The following GMDS variants were observed in gnomAD, a reference collection of about 807,000 sequenced individuals.
The protein encoded by GMDS is GDP-mannose 4,6 dehydratase.
A neutral mutation model predicts 49.9 loss-of-function variants in GMDS; 20 were observed. The ratio of observed to expected loss-of-function variants is 0.40; its 90% CI spans 0.28 to 0.58. GMDS has a LOEUF of 0.58. GMDS is among the 20% of genes least tolerant of loss of function. The pLI is 0.42. For synonymous variants in GMDS, 177 were observed against 178.6 expected, an observed-to-expected ratio of 0.99 and a Z score of 0.07; for missense variants, 362 against 481.4, an observed-to-expected ratio of 0.75 and a Z score of 2.32.
chr6:1,691,049 T>C (rs996534514), intron 9 of GMDS, among the ~76,000 whole-genome samples: 1 of 152,150 alleles, frequency 6.6e-6, no homozygotes, highest in Non-Finnish European at 1.5e-5. Context: ...ATTATAAAAA[T>C]ATATGCACAC....
chr6:2,157,073 G>A (rs1020870848), intron 1 of GMDS, among the ~76,000 whole-genome samples: 5 of 152,088 alleles, frequency 3.3e-5, no homozygotes, highest in African/African-American at 2.4e-5. Context: ...TGCAGTGACT[G>A]ACAGACTCAC....
chr6:2,167,376 C>A (rs1016705857), intron 1 of GMDS, among the ~76,000 whole-genome samples: 1 of 152,136 alleles, frequency 6.6e-6, no homozygotes, highest in Non-Finnish European at 1.5e-5. Context: ...CCTCATCATC[C>A]CTAATCTCAA....
At position 2,191,337 on chromosome 6, in the gene GMDS, G is replaced by A. The variant is rs911183658; in HGVS notation, c.102+53984C>T. Reference sequence around the variant, plus strand: ...CGGGGGAGCTCACAGTGATGTCCCTGGACACCAGCCCAGGCCCAGCAAGGA... The same window carrying A: ...CGGGGGAGCTCACAGTGATGTCCCTAGACACCAGCCCAGGCCCAGCAAGGA... On this transcript the variant is annotated intron_variant, in intron 1 of 10. Transcript: ENST00000380815. This position sits in a 1 kb window ranked among gnomAD's most constrained non-coding sequence, Gnocchi z 4.6. Among the ~76,000 whole-genome samples the A allele has an allele frequency of 6.6e-6, 1 of 152,134 alleles. No homozygotes were observed. Among genetic ancestry groups the A allele is most frequent in the Non-Finnish European group, 1.5e-5 (1 of 67,990 alleles).
At chr6:2,065,303 T>C (rs1042444082) in intron 4 of GMDS, among the ~76,000 whole-genome samples, 2 of 152,022 alleles carry the variant, frequency 1.3e-5, no homozygotes, top group African/African-American at 2.4e-5. Context: ...CAAAAGTAGA[T>C]AAAACCACAA....
intron 4 of GMDS, among the ~76,000 whole-genome samples, chr6:2,068,131 A>G (rs1411785344): frequency 6.6e-6 from 1 of 150,898 alleles, no homozygotes; most frequent in Non-Finnish European, 1.5e-5. Flanking sequence ...CAATAAATGT[A>G]ATCCAGCATA....
chr6:1,886,831 C>A (rs1404608386), intron 7 of GMDS, among the ~76,000 whole-genome samples: 1 of 152,158 alleles, frequency 6.6e-6, no homozygotes, highest in African/African-American at 2.4e-5. Flanking sequence ...ATTAGTAGAA[C>A]TCATTCTTAT....
chr6:1,699,591 C>G lies in GMDS; in HGVS notation c.987+26825G>C, dbSNP rs1037354335. Among the ~76,000 whole-genome samples the G allele has an allele frequency of 3.3e-5, 5 of 152,164 alleles. No homozygotes were observed. The East Asian group carries it at 9.6e-4, about 29-fold the overall frequency. Reference sequence around the variant, plus strand: ...GGCGCCTACACCCCTTGGCTCGCAGCCCCTTCCTTGAATCACCCTGACCCC... The same window carrying G: ...GGCGCCTACACCCCTTGGCTCGCAGGCCCTTCCTTGAATCACCCTGACCCC... On this transcript the variant is annotated intron_variant, in intron 9 of 10. Transcript: ENST00000380815.
chr6:2,028,093 A>G (rs1768714609), intron 4 of GMDS, among the ~76,000 whole-genome samples: 1 of 152,230 alleles, frequency 6.6e-6, no homozygotes, highest in Non-Finnish European at 1.5e-5. Flanking sequence ...TATCTTACAT[A>G]TTTCAATGAA....
chr6:2,153,193 C>A (rs1333492849), intron 1 of GMDS, among the ~76,000 whole-genome samples: 1 of 152,102 alleles, frequency 6.6e-6, no homozygotes, highest in African/African-American at 2.4e-5. Flanking sequence ...TGCCAAAAGA[C>A]CTTTCAGATA....
At chr6:1,692,506 C>T (rs1419172404) in intron 9 of GMDS, among the ~76,000 whole-genome samples, 2 of 152,152 alleles carry the variant, frequency 1.3e-5, no homozygotes, top group African/African-American at 2.4e-5. Context: ...TTCTGTCCTC[C>T]CCTCCTTTTT....
At chr6:2,063,644 A>C (rs1581594488) in intron 4 of GMDS, among the ~76,000 whole-genome samples, 1 of 152,230 alleles carries the variant, frequency 6.6e-6, no homozygotes, top group East Asian at 1.9e-4. Context: ...CATGTTCCAA[A>C]CTCAATAAAA....
intron 7 of GMDS, among the ~76,000 whole-genome samples, chr6:1,821,056 A>G (rs1481119861): frequency 1.3e-5 from 2 of 152,220 alleles, no homozygotes; most frequent in African/African-American, 4.8e-5. Context: ...TGTGTCTTGT[A>G]TACATGGACT....
intron 7 of GMDS, among the ~76,000 whole-genome samples, chr6:1,810,428 G>A (rs750324086): frequency 4.6e-5 from 7 of 152,128 alleles, no homozygotes; most frequent in Non-Finnish European, 1.0e-4. Flanking sequence ...GACTACAGGT[G>A]TGTGCCACCA....
chr6:2,198,925 A>G lies in GMDS; in HGVS notation c.102+46396T>C, dbSNP rs111269264. ...AGAAAACAGACCATTCATAAAGTCA[A>G]TAATTCAGGCTTGGTAATGGCTTAC... On this transcript the variant is annotated intron_variant, in intron 1 of 10. Coordinates refer to ENST00000380815, the MANE Select transcript of GMDS (RefSeq NM_001500.4). 5.9e-3 allele frequency among the ~76,000 whole-genome samples: 612 copies of G among 103,134 alleles called. 1 individual carries two copies. Among genetic ancestry groups the G allele is most frequent in the Non-Finnish European group, 0.01 (443 of 43,330 alleles). 67.7% of individuals were successfully genotyped at this position (103,134 alleles called of 152,430 possible).
intron 3 of GMDS, 62 bp from the exon 4 acceptor site, chr6:2,115,942 A>G (rs1373258898): frequency 1.0e-6 from 1 of 958,240 alleles, no homozygotes; most frequent in Non-Finnish European, 1.7e-6. Flanking sequence ...ATTTTTAAAA[A>G]CATCAAAATT....
At chr6:2,160,630 C>T (rs781245544) in intron 1 of GMDS, among the ~76,000 whole-genome samples, 5 of 152,170 alleles carry the variant, frequency 3.3e-5, no homozygotes, top group Non-Finnish European at 7.3e-5. Context: ...CAGCCTCAAC[C>T]ACCAGGTAGT....
At chr6:1,900,933 C>T (rs549767876) in intron 7 of GMDS, among the ~76,000 whole-genome samples, 19 of 152,302 alleles carry the variant, frequency 1.2e-4, no homozygotes, top group South Asian at 2.1e-4. Context: ...CAACATGTCG[C>T]GCTAACTCAC....
In GMDS at chr6:1,917,363, A is replaced by G. The variant is rs1581358973; in HGVS notation, c.771+12740T>C. Among the ~76,000 whole-genome samples, 4 of 152,346 alleles carry G rather than the reference A, an allele frequency of 2.6e-5. No homozygotes were observed. The South Asian group carries it at 8.3e-4, about 32-fold the overall frequency. ...TGCCTGATACCAAGAGAAGACATCA[A>G]ACAAGGGTTTCTCCTTTCAATGTCA... On this transcript the variant is annotated intron_variant, in intron 7 of 10. Coordinates refer to ENST00000380815, the MANE Select transcript of GMDS (RefSeq NM_001500.4).
At chr6:1,918,149 G>T (rs1761500256) in intron 7 of GMDS, among the ~76,000 whole-genome samples, 1 of 152,202 alleles carries the variant, frequency 6.6e-6, no homozygotes, top group South Asian at 2.1e-4. Context: ...GATAGAGAGG[G>T]GAGAAGAGAA....
Sources: gnomAD v4.1 joint callset for allele counts (sites outside exome capture counted in the v4.1 genomes callset) on GRCh38, gnomAD v4.1.1 for gene constraint, Gnocchi (gnomAD v3.1) non-coding constraint, MANE v1.5 for transcripts, NCBI Gene and HGNC (gene_info 2026-07-23, HGNC 2026-07-21) for gene names.